The following LHFPL6 variants were observed in gnomAD, a reference collection of about 807,000 sequenced individuals.
LHFPL6 encodes LHFPL tetraspan subfamily member 6.
Under a neutral mutation model 20.6 loss-of-function variants are expected in LHFPL6, and 9 were observed. The ratio of observed to expected loss-of-function variants is 0.44; its 90% CI spans 0.26 to 0.76. The LOEUF (loss-of-function observed/expected upper bound fraction) is 0.76. Ranked by LOEUF, LHFPL6 falls within the 30% of genes least tolerant of loss-of-function variation. The probability of loss-of-function intolerance (pLI) is 0.20; values close to 1 mark genes in which losing one functional copy is unlikely to be tolerated. For missense variants in LHFPL6, 218 were observed against 253.5 expected (o/e 0.86, Z 0.95); for synonymous variants, 105 against 98.7 (o/e 1.06, Z -0.38).
intron 2 of LHFPL6, among the ~76,000 whole-genome samples, chr13:39,489,488 A>G (rs7334760): frequency 0.44 from 66,651 of 151,576 alleles, 15,817 homozygotes; most frequent in Non-Finnish European, 0.53. Flanking sequence ...ATATGATTCC[A>G]TGGCTTTTCA....
At chr13:39,480,488 C>G (rs1413177441) in intron 2 of LHFPL6, among the ~76,000 whole-genome samples, 2 of 152,030 alleles carry the variant, frequency 1.3e-5, no homozygotes, top group Admixed American at 1.3e-4. Context: ...AAGGAGATAC[C>G]AAGGCAGAAC....
At chr13:39,495,664 T>C (rs1869075897) in intron 2 of LHFPL6, among the ~76,000 whole-genome samples, 1 of 152,026 alleles carries the variant, frequency 6.6e-6, no homozygotes, top group Admixed American at 6.6e-5. Context: ...ATTCCTAGAT[T>C]GTATTATTAT....
intron 2 of LHFPL6, among the ~76,000 whole-genome samples, chr13:39,498,906 G>C (rs1869186081): frequency 6.6e-6 from 1 of 151,680 alleles, no homozygotes; most frequent in Non-Finnish European, 1.5e-5. Flanking sequence ...TGCCATCCAG[G>C]CTGGAGTGCA....
intron 2 of LHFPL6, among the ~76,000 whole-genome samples, chr13:39,507,233 C>T (rs142579524): frequency 0.022 from 3,314 of 152,316 alleles, 52 homozygotes; most frequent in Middle Eastern, 0.037. Flanking sequence ...AGAAGCTACA[C>T]GTCCTTACAA....
rs189578696 is a variant in LHFPL6 at position 39,492,826 on chromosome 13, A to G, written c.385+108006T>C. ...CTCCCGAGTAGCTGGGATTACAGGC[A>G]TGCACCACCACGTCCAGCTAATTTT... On this transcript the variant is annotated intron_variant, in intron 2 of 3. Coordinates refer to ENST00000379589, the MANE Select transcript of LHFPL6 (RefSeq NM_005780.3). 4.3e-3 allele frequency among the ~76,000 whole-genome samples: 659 copies of G among 151,992 alleles called. 5 individuals carry two copies. Among genetic ancestry groups the G allele is most frequent in the African/African-American group, 0.015 (615 of 41,498 alleles).
At chr13:39,352,550 A>G (rs1319107718) in intron 3 of LHFPL6, among the ~76,000 whole-genome samples, 2 of 152,054 alleles carry the variant, frequency 1.3e-5, no homozygotes, top group Admixed American at 6.5e-5. Context: ...CTTGAGCTCC[A>G]TGGGATCCCC....
chr13:39,442,197 TA>T (rs548769644), intron 2 of LHFPL6, among the ~76,000 whole-genome samples: 107 of 150,310 alleles, frequency 7.1e-4, no homozygotes, highest in Middle Eastern at 3.4e-3. Flanking sequence ...GAACTGAGTT[TA>T]AAAAAAAAAT....
chr13:39,393,603 G>T (rs1180744198), intron 2 of LHFPL6, among the ~76,000 whole-genome samples: 2 of 152,152 alleles, frequency 1.3e-5, no homozygotes, highest in Admixed American at 1.3e-4. Flanking sequence ...AAATGGTGAG[G>T]ATGGGGTCAA....
At chr13:39,584,178 G>A (rs899993354) in intron 2 of LHFPL6, among the ~76,000 whole-genome samples, 20 of 152,290 alleles carry the variant, frequency 1.3e-4, no homozygotes, top group African/African-American at 4.6e-4. Flanking sequence ...TTTCTGAGCA[G>A]CAATGTATCT....
intron 2 of LHFPL6, among the ~76,000 whole-genome samples, chr13:39,395,841 T>G (rs1566101760): frequency 6.6e-6 from 1 of 152,192 alleles, no homozygotes; most frequent in Non-Finnish European, 1.5e-5. Context: ...GTGGTAGGCT[T>G]TTCACCCAAC....
intron 2 of LHFPL6, among the ~76,000 whole-genome samples, chr13:39,558,036 T>A (rs780895340): frequency 2.6e-5 from 4 of 152,210 alleles, no homozygotes; most frequent in Non-Finnish European, 4.4e-5. Context: ...ATGCTTTCCG[T>A]ACGGCCTGCA....
chr13:39,531,013 T>C (rs1299950379), intron 2 of LHFPL6, among the ~76,000 whole-genome samples: 1 of 151,526 alleles, frequency 6.6e-6, no homozygotes, highest in Non-Finnish European at 1.5e-5. Flanking sequence ...AAAGGTGACA[T>C]TCATGAGGTG....
intron 2 of LHFPL6, among the ~76,000 whole-genome samples, chr13:39,518,346 T>C (rs1225490445): frequency 6.6e-6 from 1 of 152,182 alleles, no homozygotes; most frequent in African/African-American, 2.4e-5. Context: ...TGGGAAAATA[T>C]AAGAGGTCTG....
intron 2 of LHFPL6, among the ~76,000 whole-genome samples, chr13:39,496,994 T>C (rs9576826): frequency 0.97 from 148,124 of 152,312 alleles, 72,149 homozygotes; most frequent in East Asian, 1. Flanking sequence ...ATGCAGAAGC[T>C]TATCCCAGAT....
intron 2 of LHFPL6, among the ~76,000 whole-genome samples, chr13:39,381,833 A>G (rs1349685033): frequency 1.2e-4 from 2 of 16,322 alleles, no homozygotes; most frequent in Admixed American, 1.2e-3. Flanking sequence ...AGACAAAAAA[A>G]AAAAAAAAAA....
At chr13:39,384,779 G>A (rs1870520824) in intron 2 of LHFPL6, among the ~76,000 whole-genome samples, 3 of 152,172 alleles carry the variant, frequency 2.0e-5, no homozygotes, top group Admixed American at 6.5e-5. Context: ...GGTTTTATTA[G>A]ATTTCTAAAC....
intron 2 of LHFPL6, among the ~76,000 whole-genome samples, chr13:39,507,089 A>C (rs561829447): frequency 6.6e-6 from 1 of 152,312 alleles, no homozygotes; most frequent in South Asian, 2.1e-4. Context: ...GGTAAACATA[A>C]ATGCATTCTA....
chr13:39,544,421 G>C (rs187669090), intron 2 of LHFPL6, among the ~76,000 whole-genome samples: 168 of 152,272 alleles, frequency 1.1e-3, no homozygotes, highest in African/African-American at 3.8e-3. Context: ...ATCTGAAAGT[G>C]GGGAACAAAA....
chr13:39,444,545 A>G (rs1233512635), intron 2 of LHFPL6, among the ~76,000 whole-genome samples: 1 of 152,110 alleles, frequency 6.6e-6, no homozygotes, highest in African/African-American at 2.4e-5. Flanking sequence ...GCTGCCCTAC[A>G]TTGCCTTGGG....
Sources: gnomAD v4.1 joint callset for allele counts (sites outside exome capture counted in the v4.1 genomes callset) on GRCh38, gnomAD v4.1.1 for gene constraint, MANE v1.5 for transcripts, NCBI Gene and HGNC (gene_info 2026-07-23, HGNC 2026-07-21) for gene names.